The following ROBO2 variants were observed in gnomAD, a reference collection of about 807,000 sequenced individuals.
ROBO2 encodes the protein roundabout homolog 2.
A neutral mutation model predicts 160.8 loss-of-function variants in ROBO2; 53 were observed. That is an observed-to-expected ratio of 0.33 (90% CI 0.26 to 0.41). The LOEUF (loss-of-function observed/expected upper bound fraction) is 0.41, where lower values mean the gene tolerates loss of function less well. Among genes scored for constraint, ROBO2 ranks in the 10% least tolerant of loss-of-function variants. ROBO2 has a pLI of 1.00. For synonymous variants in ROBO2, 664 were observed against 611.7 expected (o/e 1.09, Z -1.26); for missense variants, 1,577 against 1,722.4 (o/e 0.92, Z 1.49).
At chr3:77,517,250 T>G (rs189336141) in intron 5 of ROBO2, among the ~76,000 whole-genome samples, 1 of 151,622 alleles carries the variant, frequency 6.6e-6, no homozygotes, top group Admixed American at 6.6e-5. Context: ...GATATTTGGG[T>G]CATCCTGAAA....
chr3:76,264,585 T>A (rs975625179), intron 2 of ROBO2, among the ~76,000 whole-genome samples: 1 of 152,134 alleles, frequency 6.6e-6, no homozygotes, highest in Non-Finnish European at 1.5e-5. Flanking sequence ...TTTCTTTCAT[T>A]GTCACAACTT....
intron 2 of ROBO2, among the ~76,000 whole-genome samples, chr3:77,249,904 T>C (rs1184193033): frequency 4.0e-5 from 6 of 151,718 alleles, no homozygotes; most frequent in Non-Finnish European, 1.5e-5. Flanking sequence ...AATGGGTTTT[T>C]TTTTTCCTGA....
intron 2 of ROBO2, among the ~76,000 whole-genome samples, chr3:77,011,871 T>C (rs772155316): frequency 6.6e-6 from 1 of 152,132 alleles, no homozygotes; most frequent in African/African-American, 2.4e-5. Context: ...TCAAAATCAA[T>C]GATGAATTCA....
At chr3:77,127,101 T>C (rs2075409083) in intron 2 of ROBO2, among the ~76,000 whole-genome samples, 1 of 152,120 alleles carries the variant, frequency 6.6e-6, no homozygotes, top group Non-Finnish European at 1.5e-5. Flanking sequence ...AACTTCTTTT[T>C]TTCTTAATGA....
At chr3:76,379,247 G>A (rs2076502174) in intron 2 of ROBO2, among the ~76,000 whole-genome samples, 1 of 152,122 alleles carries the variant, frequency 6.6e-6, no homozygotes, top group African/African-American at 2.4e-5. Flanking sequence ...TATGCAACGA[G>A]AAATGTCTCA....
intron 2 of ROBO2, among the ~76,000 whole-genome samples, chr3:76,058,653 T>C (rs1288800737): frequency 6.6e-6 from 1 of 150,538 alleles, no homozygotes; most frequent in African/African-American, 2.4e-5. Context: ...GCCTTTTTTT[T>C]TAATTATTAT....
At chr3:77,139,492 G>A (rs1169193206) in intron 2 of ROBO2, among the ~76,000 whole-genome samples, 3 of 152,120 alleles carry the variant, frequency 2.0e-5, no homozygotes, top group Non-Finnish European at 4.4e-5. Context: ...AATGTATTAA[G>A]AGCCTACTAA....
intron 2 of ROBO2, among the ~76,000 whole-genome samples, chr3:76,635,447 T>C (rs1323114995): frequency 3.3e-5 from 5 of 152,190 alleles, no homozygotes; most frequent in Non-Finnish European, 4.4e-5. Context: ...ATGGAGTAAA[T>C]AATGCCTATG....
intron 23 of ROBO2, among the ~76,000 whole-genome samples, chr3:77,625,095 T>A (rs1213002900): frequency 1.3e-5 from 2 of 152,174 alleles, no homozygotes; most frequent in Non-Finnish European, 2.9e-5. Flanking sequence ...GTTGTTTTTA[T>A]AACAACTAAT....
intron 2 of ROBO2, among the ~76,000 whole-genome samples, chr3:75,953,105 G>A (rs1297080183): frequency 2.0e-5 from 3 of 151,922 alleles, no homozygotes; most frequent in African/African-American, 7.2e-5. Flanking sequence ...GTGCATGTAA[G>A]TTTTCAAATC....
At chr3:77,644,847 C>T (rs376768863) in exon 25 of ROBO2, 1 of 1,614,078 alleles carries the variant, frequency 6.2e-7, no homozygotes, top group African/African-American at 1.3e-5. Context: ...TGCCAGCGAC[C>T]TTCTTGACAT....
At chr3:76,560,869 G>T (rs1048232603) in intron 2 of ROBO2, among the ~76,000 whole-genome samples, 1 of 147,976 alleles carries the variant, frequency 6.8e-6, no homozygotes, top group Admixed American at 6.8e-5. Context: ...CATTATGGGG[G>T]TATCATGAGG....
At chr3:76,065,730 AAAC>A (rs67740693) in intron 2 of ROBO2, among the ~76,000 whole-genome samples, 66,517 of 136,212 alleles carry the variant, frequency 0.49, 15,452 homozygotes, top group Middle Eastern at 0.65. Flanking sequence ...ATGCATATTT[AAAC>A]TAAATATATA....
intron 1 of ROBO2, among the ~76,000 whole-genome samples, chr3:77,053,008 C>G (rs1027752604): frequency 6.6e-6 from 1 of 152,136 alleles, no homozygotes; most frequent in Non-Finnish European, 1.5e-5. Context: ...TATCTATAGG[C>G]TGGTTCAGCA....
At chr3:77,394,838 T>A (rs1269779388) in intron 2 of ROBO2, among the ~76,000 whole-genome samples, 2 of 152,164 alleles carry the variant, frequency 1.3e-5, no homozygotes, top group African/African-American at 2.4e-5. Context: ...TCAGCAATAC[T>A]GTTGGTATCA....
intron 2 of ROBO2, among the ~76,000 whole-genome samples, chr3:76,685,130 A>G (rs1284757051): frequency 6.6e-6 from 1 of 151,486 alleles, no homozygotes; most frequent in East Asian, 1.9e-4. Flanking sequence ...TCTTGAAATC[A>G]TAGACCACCC....
At chr3:77,330,967 A>G (rs1185317646) in intron 2 of ROBO2, among the ~76,000 whole-genome samples, 4 of 152,326 alleles carry the variant, frequency 2.6e-5, no homozygotes, top group African/African-American at 9.6e-5. Flanking sequence ...GAAAAGGTAA[A>G]TCATATAGTA....
intron 2 of ROBO2, among the ~76,000 whole-genome samples, chr3:76,297,869 A>G (rs1167685377): frequency 6.6e-6 from 1 of 152,200 alleles, no homozygotes; most frequent in Non-Finnish European, 1.5e-5. Flanking sequence ...ATGCTGTAAC[A>G]TGCATTTTCA....
chr3:76,354,402 A>AG (rs2075042933), intron 2 of ROBO2, among the ~76,000 whole-genome samples: 1 of 151,914 alleles, frequency 6.6e-6, no homozygotes, highest in Non-Finnish European at 1.5e-5. Flanking sequence ...CCTTAACAAA[A>AG]TAAATCTCTT....
Sources: gnomAD v4.1 joint callset for allele counts (sites outside exome capture counted in the v4.1 genomes callset) on GRCh38, gnomAD v4.1.1 for gene constraint, MANE v1.5 for transcripts, NCBI Gene and HGNC (gene_info 2026-07-23, HGNC 2026-07-21) for gene names.